The following OSBPL10 variants were observed in gnomAD, a reference collection of about 807,000 sequenced individuals.
The protein encoded by OSBPL10 is oxysterol binding protein like 10.
Under a neutral mutation model 81.7 loss-of-function variants are expected in OSBPL10, and 49 were observed. The observed-to-expected ratio is 0.60, with a 90% CI of 0.48 to 0.76. OSBPL10 has a LOEUF of 0.76. Ranked by LOEUF, OSBPL10 falls within the 30% of genes least tolerant of loss-of-function variation. The pLI is 0.00. For synonymous variants in OSBPL10, 419 were observed against 383.6 expected (o/e 1.09, Z -1.08); for missense variants, 923 against 987.8 (o/e 0.93, Z 0.88).
In OSBPL10 at chr3:31,665,473, G is replaced by C. The variant is rs993537875; in HGVS notation, c.2097-1241C>G. Reference sequence around the variant, plus strand: ...AGCAAGGGCTCAGAGCAGCAGGAAGGCTTGAGTGCTGGCATGGTCAGGCAG... The same window carrying C: ...AGCAAGGGCTCAGAGCAGCAGGAAGCCTTGAGTGCTGGCATGGTCAGGCAG... On this transcript the variant is annotated intron_variant, in intron 10 of 11. Coordinates refer to ENST00000396556, the MANE Select transcript of OSBPL10 (RefSeq NM_017784.5). 2.8e-4 allele frequency among the ~76,000 whole-genome samples: 43 copies of C among 152,264 alleles called. No individual in the cohort carries two copies. The East Asian group carries it at 4.9e-3, about 17-fold the overall frequency.
chr3:31,750,037 C>G (rs1295808998), intron 4 of OSBPL10, among the ~76,000 whole-genome samples: 3 of 151,706 alleles, frequency 2.0e-5, no homozygotes, highest in Non-Finnish European at 4.4e-5. Flanking sequence ...CAAAAATAAG[C>G]CAGGTGTGAT....
intron 3 of OSBPL10, among the ~76,000 whole-genome samples, chr3:31,857,249 C>G (rs1361730599): frequency 1.3e-5 from 2 of 152,186 alleles, no homozygotes; most frequent in African/African-American, 4.8e-5. Context: ...CTATTAATCA[C>G]TATTTAATTC....
chr3:31,833,279 T>TC lies in OSBPL10; in HGVS notation c.538-3049dup, dbSNP rs1031364117. ...TTCATTCTTCATACACACACCTCTATCCCCCCACTCCTCCCCTACCAAACC... is the reference window on the plus strand; with the variant it reads ...TTCATTCTTCATACACACACCTCTATCCCCCCCACTCCTCCCCTACCAAACC... On this transcript the variant is annotated intron_variant, in intron 3 of 11. Transcript: ENST00000396556. 6.6e-5 allele frequency among the ~76,000 whole-genome samples: 10 copies of TC among 152,100 alleles called. 1 individual carries two copies. The highest frequency in any genetic ancestry group is 4.2e-4 in the South Asian group (2 of 4,806).
At chr3:31,666,658 C>A (rs1331640423) in intron 10 of OSBPL10, among the ~76,000 whole-genome samples, 1 of 152,006 alleles carries the variant, frequency 6.6e-6, no homozygotes, top group Non-Finnish European at 1.5e-5. Flanking sequence ...CATTTGGAGA[C>A]CCCCCAGCAG....
intron 4 of OSBPL10, among the ~76,000 whole-genome samples, chr3:31,783,823 A>AATATATATACAT (rs1698784566): frequency 6.0e-5 from 1 of 16,734 alleles, no homozygotes; most frequent in Non-Finnish European, 1.2e-4. Flanking sequence ...AAAAAAAAAA[A>AATATATATACAT]ATATATATAT....
At chr3:32,009,471 G>A (rs1003778617) in intron 2 of OSBPL10, among the ~76,000 whole-genome samples, 1 of 152,156 alleles carries the variant, frequency 6.6e-6, no homozygotes, top group African/African-American at 2.4e-5. Context: ...AAATGATACA[G>A]TCTTCCACAC....
intron 1 of OSBPL10, among the ~76,000 whole-genome samples, chr3:31,912,008 T>C (rs1013495934): frequency 2.6e-5 from 4 of 152,116 alleles, no homozygotes; most frequent in African/African-American, 7.2e-5. Flanking sequence ...AATGTGAATG[T>C]ACTTAATGCC....
chr3:31,813,045 T>C (rs959882370), intron 4 of OSBPL10, among the ~76,000 whole-genome samples: 35 of 152,150 alleles, frequency 2.3e-4, no homozygotes, highest in African/African-American at 8.4e-4. Context: ...ATCTCTCCAA[T>C]ATAAGAAATA....
intron 5 of OSBPL10, 140 bp from the exon 6 acceptor site, chr3:31,733,551 G>A (rs1697040696): frequency 2.1e-6 from 2 of 937,716 alleles, no homozygotes; most frequent in Non-Finnish European, 3.3e-6. Context: ...TTTGAATGAA[G>A]TACCAAGTGC....
At chr3:31,906,403 G>A (rs1696409482) in intron 1 of OSBPL10, among the ~76,000 whole-genome samples, 1 of 152,098 alleles carries the variant, frequency 6.6e-6, no homozygotes, top group African/African-American at 2.4e-5. Flanking sequence ...GCTTGGCATA[G>A]TGTTGTGCAT....
At chr3:31,733,498 G>C (rs1325512499) in intron 5 of OSBPL10, 87 bp from the exon 6 acceptor site, 1 of 1,534,598 alleles carries the variant, frequency 6.5e-7, no homozygotes, top group Non-Finnish European at 9.0e-7. Context: ...TGTATGAAGA[G>C]ACCTACTTGA....
intron 4 of OSBPL10, among the ~76,000 whole-genome samples, chr3:31,762,630 A>ATTTGTTTTTT (rs1698080481): frequency 1.6e-5 from 1 of 61,514 alleles, no homozygotes; most frequent in Non-Finnish European, 2.7e-5. Context: ...CATGCCCAGC[A>ATTTGTTTTTT]TTTTTTTTTT....
chr3:31,949,211 G>A lies in OSBPL10; in HGVS notation c.281+31688C>T, dbSNP rs574045003. ...AAAACGCACACACATATTATTTCAG[G>A]AAGGATTGAACCAATCAACTGAAAA... On this transcript the variant is annotated intron_variant, in intron 1 of 11. Coordinates refer to ENST00000396556, the MANE Select transcript of OSBPL10 (RefSeq NM_017784.5). 7.2e-5 allele frequency among the ~76,000 whole-genome samples: 11 copies of A among 152,234 alleles called. No individual in the cohort carries two copies. In the East Asian group the frequency reaches 2.1e-3, roughly 29 times the overall value.
At chr3:31,696,433 TACC>T (rs1474774245) in intron 7 of OSBPL10, among the ~76,000 whole-genome samples, 4 of 152,272 alleles carry the variant, frequency 2.6e-5, no homozygotes, top group Non-Finnish European at 5.9e-5. Flanking sequence ...CCCGTCTTTA[TACC>T]ACATTTTTTC....
chr3:31,824,377 C>G (rs550509560), intron 4 of OSBPL10, among the ~76,000 whole-genome samples: 3 of 152,212 alleles, frequency 2.0e-5, no homozygotes, highest in Admixed American at 1.3e-4. Flanking sequence ...GCTTAAGCGC[C>G]TTGACGTGAG....
At chr3:31,969,611 G>C (rs1411813899) in intron 1 of OSBPL10, 2 of 152,226 alleles carry the variant, frequency 1.3e-5, no homozygotes, top group Non-Finnish European at 2.9e-5. Context: ...ACGTAATGAG[G>C]TCGGATTACT....
intron 6 of OSBPL10, 128 bp downstream of exon 6, chr3:31,733,129 C>T: frequency 7.6e-7 from 1 of 1,317,286 alleles, no homozygotes; most frequent in Non-Finnish European, 1.0e-6. Flanking sequence ...TCTCTCCAGG[C>T]AATTCTTCCA....
intron 1 of OSBPL10, among the ~76,000 whole-genome samples, chr3:31,915,128 C>T (rs1038828817): frequency 1.3e-5 from 2 of 152,042 alleles, no homozygotes; most frequent in African/African-American, 4.8e-5. Flanking sequence ...CTATCGTATC[C>T]TCATCTGCAT....
chr3:32,076,153 A>G (rs899218028), intron 1 of OSBPL10, among the ~76,000 whole-genome samples: 1 of 152,124 alleles, frequency 6.6e-6, no homozygotes, highest in Non-Finnish European at 1.5e-5. Context: ...GTGGATCACG[A>G]GGTCAGGAGA....
Sources: allele counts gnomAD v4.1 joint callset (sites outside exome capture counted in the v4.1 genomes callset), GRCh38; gene constraint gnomAD v4.1.1; transcripts MANE v1.5; gene names NCBI Gene and HGNC (gene_info 2026-07-23, HGNC 2026-07-21).